BMS1: variants seen among roughly 807,000 people sequenced by gnomAD.
The protein encoded by BMS1 is BMS1 ribosome biogenesis factor.
Under a neutral mutation model 138.7 loss-of-function variants are expected in BMS1, and 53 were observed. The observed-to-expected ratio is 0.38, with a 90% CI of 0.31 to 0.48. BMS1 has a LOEUF of 0.48. Ranked by LOEUF, BMS1 falls within the 20% of genes least tolerant of loss-of-function variation. BMS1 has a pLI of 0.97. For synonymous variants in BMS1, 504 were observed against 539.9 expected, an observed-to-expected ratio of 0.93 and a Z score of 0.92; for missense variants, 1,360 against 1,565.5, an observed-to-expected ratio of 0.87 and a Z score of 2.22.
chr10:42,815,351 G>A (rs1380928733), intron 13 of BMS1, among the ~76,000 whole-genome samples: 2 of 152,132 alleles, frequency 1.3e-5, no homozygotes, highest in African/African-American at 4.8e-5. Context: ...TCCTTTGGTA[G>A]CATATTAAAG....
At position 42,802,208 on chromosome 10, in the gene BMS1, A is replaced by C; in HGVS notation, c.2319A>C (p.Leu773Phe). Reference sequence around the variant, plus strand: ...ATGATAAAGATGCAGCCAAGGTCTTAGCAGAAGATGGTAAGTAAAGAGCTG... The same window carrying C: ...ATGATAAAGATGCAGCCAAGGTCTTCGCAGAAGATGGTAAGTAAAGAGCTG... ...WEDDKDAAKVLAEDEELYGDF... is the reference protein window; with the variant it reads ...WEDDKDAAKVFAEDEELYGDF... Residue 773 changes from leucine to phenylalanine, a missense_variant, in exon 13 of 23, where the codon TTA becomes TTC. Transcript: ENST00000374518. 1 of 1,613,388 alleles carries C rather than the reference A, an allele frequency of 6.2e-7. No homozygotes were observed. The highest frequency in any genetic ancestry group is 8.5e-7 in the Non-Finnish European group (1 of 1,179,572).
chr10:42,805,749 C>T (rs780010756), intron 13 of BMS1, among the ~76,000 whole-genome samples: 5 of 152,002 alleles, frequency 3.3e-5, no homozygotes, highest in African/African-American at 4.8e-5. Flanking sequence ...ATAAGAAATG[C>T]AGTTGATTTT....
In BMS1 at chr10:42,834,062, T is replaced by C. The variant is rs1403924208; in HGVS notation, c.*2966T>C. ...CTCAATTGTATTAAACTTTGTAAAT[T>C]GTAAAAATTATTCTGTTATACCTTT... On this transcript the variant is annotated 3_prime_UTR_variant, in exon 23 of 23. Coordinates refer to ENST00000374518, the MANE Select transcript of BMS1 (RefSeq NM_014753.4). 1 of 152,246 alleles carries C rather than the reference T, an allele frequency of 6.6e-6. No individual in the cohort carries two copies. Among genetic ancestry groups the C allele is most frequent in the Non-Finnish European group, 1.5e-5 (1 of 68,036 alleles). 9.4% of individuals were successfully genotyped at this position (152,246 alleles called of 1,614,324 possible).
chr10:42,783,408 C>T (rs1188649465), intron 1 of BMS1, among the ~76,000 whole-genome samples: 1 of 152,140 alleles, frequency 6.6e-6, no homozygotes, highest in Non-Finnish European at 1.5e-5. Flanking sequence ...TATTGCGTGG[C>T]GCGGAAGATA....
Position 42,828,969 on chromosome 10 carries a change from C to T in BMS1, c.3457-1292C>T, listed in dbSNP as rs183710402. Among the ~76,000 whole-genome samples the T allele has an allele frequency of 6.4e-4, 97 of 152,182 alleles. No individual in the cohort carries two copies. In the Middle Eastern group the frequency reaches 0.027, roughly 43 times the overall value. ...CTGAATTCTTGAATTCAAAAACAAT[C>T]GGGGTTCCTAAACAAAGAATATGGA... On this transcript the variant is annotated intron_variant, in intron 21 of 22. Transcript: ENST00000374518.
chr10:42,821,076 G>T, intron 18 of BMS1, 84 bp downstream of exon 18: 1 of 1,129,806 alleles, frequency 8.9e-7, no homozygotes, highest in Admixed American at 2.0e-5. Context: ...GAGACTTTAA[G>T]TTGAAAATTA....
chr10:42,798,947 C>A (rs1379172196), intron 12 of BMS1, among the ~76,000 whole-genome samples: 3 of 152,180 alleles, frequency 2.0e-5, no homozygotes, highest in Non-Finnish European at 4.4e-5. Flanking sequence ...ATATATGTAG[C>A]ATCCCTGAGT....
At chr10:42,812,562 G>A (rs562214810) in intron 13 of BMS1, among the ~76,000 whole-genome samples, 30 of 152,322 alleles carry the variant, frequency 2.0e-4, no homozygotes, top group African/African-American at 1.9e-4. Flanking sequence ...TGGTGAAGGA[G>A]GGGTCCCTGC....
intron 12 of BMS1, 147 bp from the exon 13 acceptor site, chr10:42,801,990 A>G (rs1364077573): frequency 1.4e-5 from 8 of 555,516 alleles, no homozygotes; most frequent in Non-Finnish European, 9.6e-6. Context: ...CATCAAAGGT[A>G]AAGTTATTTT....
At chr10:42,815,288 G>A (rs918663146) in intron 13 of BMS1, among the ~76,000 whole-genome samples, 9 of 152,212 alleles carry the variant, frequency 5.9e-5, no homozygotes, top group Non-Finnish European at 1.3e-4. Flanking sequence ...ACTTAACACA[G>A]TGCCTGGTGT....
rs1841210334 is a variant in BMS1, at chr10:42,783,159, A to G, written c.-34+329A>G. 6.6e-5 allele frequency among the ~76,000 whole-genome samples: 10 copies of G among 152,152 alleles called. No homozygotes were observed. In the South Asian group the frequency reaches 2.1e-3, roughly 32 times the overall value. On this transcript the variant is annotated intron_variant, in intron 1 of 22. Transcript: ENST00000374518. Reference sequence around the variant, plus strand: ...TCCCACCAAGAAGAAAGACAGGGAGAGAAACATTAGTACAAGTGCTGAACT... The same window carrying G: ...TCCCACCAAGAAGAAAGACAGGGAGGGAAACATTAGTACAAGTGCTGAACT...
At chr10:42,821,911 A>C in intron 18 of BMS1, 151 bp from the exon 19 acceptor site, 2 of 808,096 alleles carry the variant, frequency 2.5e-6, no homozygotes, top group South Asian at 3.2e-5. Flanking sequence ...GCTTTTGTCA[A>C]ACCACTGGGT....
chr10:42,790,548 A>G, intron 5 of BMS1, 37 bp downstream of exon 5: 3 of 1,603,252 alleles, frequency 1.9e-6, no homozygotes, highest in Non-Finnish European at 1.7e-6. Flanking sequence ...CTAACAGTAT[A>G]ATCCTTTTAA....
intron 21 of BMS1, among the ~76,000 whole-genome samples, chr10:42,828,483 A>C (rs569238783): frequency 3.3e-5 from 5 of 152,254 alleles, no homozygotes; most frequent in African/African-American, 1.2e-4. Context: ...ACTCCAGGGC[A>C]CCTGTGCTCT....
intron 4 of BMS1, among the ~76,000 whole-genome samples, chr10:42,788,246 G>C (rs930070115): frequency 6.6e-6 from 1 of 152,056 alleles, no homozygotes; most frequent in Admixed American, 6.5e-5. Flanking sequence ...TTGTATACTT[G>C]AAATGATTGA....
At chr10:42,802,417 G>T (rs571499802) in intron 13 of BMS1, among the ~76,000 whole-genome samples, 199 bp downstream of exon 13, 1 of 152,206 alleles carries the variant, frequency 6.6e-6, no homozygotes, top group East Asian at 1.9e-4. Flanking sequence ...GATTTACTGC[G>T]TATGGACTTT....
intron 18 of BMS1, among the ~76,000 whole-genome samples, chr10:42,821,818 G>A (rs1208924812): frequency 6.6e-6 from 1 of 152,134 alleles, no homozygotes; most frequent in Admixed American, 6.5e-5. Context: ...CTCCCAAAGT[G>A]CTGGGATTAC....
Position 42,792,509 on chromosome 10 carries a change from A to G in BMS1, c.796A>G (p.Asn266Asp). The G allele has an allele frequency of 6.2e-7, 1 of 1,611,460 alleles. No homozygotes were observed. The highest frequency in any genetic ancestry group is 8.5e-7 in the Non-Finnish European group (1 of 1,179,664). The change falls in exon 7 of 23, where the codon AAC (asparagine) becomes GAC (aspartate). Residue 266 changes from asparagine (N) to aspartate (D), a missense_variant. Around this residue, in one of 3 missense-constraint regions of BMS1, gnomAD observed 697 missense variants for 686.2 expected, o/e 1.02. Transcript: ENST00000374518. ...TTTTTCTAGGATGGAAGATTTGACA[A>G]ACCCAGAGGATATCCGAACAAACAT... The part of the protein sequence containing the change: ...ILADRMEDLT[N>D]PEDIRTNIKC...
Position 42,796,627 on chromosome 10 carries a change from T to C in BMS1, c.1383T>C (p.Ser461=), listed in dbSNP as rs1331945247. 3.1e-6 allele frequency: 5 copies of C among 1,613,822 alleles called. No individual in the cohort carries two copies. In the East Asian group the frequency reaches 8.9e-5, roughly 29 times the overall value. ...SEDDGLENGS[S]DEEAEEEENA... ...ATGACGGGTTGGAAAACGGCTCTAG[T>C]GATGAGGAAGCAGAAGAGGAGGAAA... The change falls in exon 10 of 23, where the codon AGT becomes AGC. Residue 461 remains serine, a synonymous_variant. Coordinates refer to ENST00000374518, the MANE Select transcript of BMS1 (RefSeq NM_014753.4).
Sources: allele counts gnomAD v4.1 joint callset (sites outside exome capture counted in the v4.1 genomes callset), GRCh38; gene constraint gnomAD v4.1.1; regional missense constraint gnomAD v4.1.1; transcripts MANE v1.5; gene names NCBI Gene and HGNC (gene_info 2026-07-23, HGNC 2026-07-21).